CORO2B: variants seen among roughly 807,000 people sequenced by gnomAD.
The protein encoded by CORO2B is coronin 2B, also known as coronin-2B.
Under a neutral mutation model 58.8 loss-of-function variants are expected in CORO2B, and 26 were observed. The ratio of observed to expected loss-of-function variants is 0.44; its 90% CI spans 0.32 to 0.61. CORO2B has a LOEUF of 0.61. CORO2B is among the 20% of genes least tolerant of loss of function. CORO2B has a pLI of 0.04. For synonymous variants in CORO2B, 242 were observed against 253.8 expected, an observed-to-expected ratio of 0.95 and a Z score of 0.44; for missense variants, 460 against 645.1, an observed-to-expected ratio of 0.71 and a Z score of 3.11.
At chr15:68,701,642 T>C (rs1003720126) in intron 3 of CORO2B, among the ~76,000 whole-genome samples, 1 of 151,684 alleles carries the variant, frequency 6.6e-6, no homozygotes, top group East Asian at 2.0e-4. Flanking sequence ...CGCGCCACCA[T>C]GCCCGGCTAA....
At chr15:68,698,152 A>G (rs1225112087) in intron 3 of CORO2B, among the ~76,000 whole-genome samples, 3 of 152,230 alleles carry the variant, frequency 2.0e-5, no homozygotes, top group Non-Finnish European at 2.9e-5. Context: ...GTCACAAGCC[A>G]GGAAGTAGAG....
chr15:68,612,802 C>A (rs1226134111), intron 1 of CORO2B, among the ~76,000 whole-genome samples: 1 of 152,218 alleles, frequency 6.6e-6, no homozygotes, highest in African/African-American at 2.4e-5. Context: ...TCCACCAGCT[C>A]TGCAAATCTG....
intron 3 of CORO2B, among the ~76,000 whole-genome samples, chr15:68,708,355 TTC>T (rs1491465190): frequency 4.8e-5 from 7 of 145,460 alleles, no homozygotes; most frequent in Admixed American, 2.1e-4. Flanking sequence ...TCTTTTTTTC[TTC>T]TTTTTTTTTT....
the CORO2B span, among the ~76,000 whole-genome samples, chr15:68,565,881 C>T: frequency 6.6e-6 from 1 of 152,230 alleles, no homozygotes; most frequent in Non-Finnish European, 1.5e-5. Flanking sequence ...GGCCTGGCTG[C>T]TTCCTCTGCC....
intron 8 of CORO2B, among the ~76,000 whole-genome samples, chr15:68,715,949 C>T (rs1893022381): frequency 6.6e-6 from 1 of 152,212 alleles, no homozygotes; most frequent in Non-Finnish European, 1.5e-5. Flanking sequence ...AATGAAACAC[C>T]TATTTTCAGG....
At chr15:68,660,286 G>T (rs1171574765) in intron 2 of CORO2B, among the ~76,000 whole-genome samples, 1 of 152,122 alleles carries the variant, frequency 6.6e-6, no homozygotes, top group African/African-American at 2.4e-5. Context: ...TCATTGTCTG[G>T]CATTGCTTCA....
chr15:68,613,126 C>T (rs1173696936), intron 1 of CORO2B, among the ~76,000 whole-genome samples: 1 of 152,176 alleles, frequency 6.6e-6, no homozygotes, highest in East Asian at 1.9e-4. Context: ...TGGAAGCAGC[C>T]TTTAGTCTTA....
intron 2 of CORO2B, among the ~76,000 whole-genome samples, chr15:68,654,995 G>A (rs780773362): frequency 3.9e-5 from 6 of 152,180 alleles, no homozygotes; most frequent in Non-Finnish European, 4.4e-5. Flanking sequence ...GGGTCTCCAG[G>A]GAGGCATGAC....
intron 1 of CORO2B, among the ~76,000 whole-genome samples, chr15:68,615,760 A>G (rs975557287): frequency 6.6e-6 from 1 of 152,162 alleles, no homozygotes; most frequent in Non-Finnish European, 1.5e-5. Flanking sequence ...ATCACCAGAC[A>G]CCAAATCCGT....
rs547346914 is a variant in CORO2B at position 68,672,364 on chromosome 15, G to C, written c.217-22776G>C. 2.4e-4 allele frequency among the ~76,000 whole-genome samples: 36 copies of C among 152,186 alleles called. 2 individuals carry two copies. In the South Asian group the frequency reaches 7.5e-3, roughly 32 times the overall value. On this transcript the variant is annotated intron_variant, in intron 2 of 11. Coordinates refer to ENST00000261861, the MANE Select transcript of CORO2B (RefSeq NM_006091.5). ...GATCCTCCCACCTCAGCCTCCCAAA[G>C]TGCTGGGATTACAGGCATGAGCCAA...
chr15:68,638,728 A>G (rs1426055277), intron 1 of CORO2B, among the ~76,000 whole-genome samples: 2 of 152,178 alleles, frequency 1.3e-5, no homozygotes, highest in East Asian at 1.9e-4. Flanking sequence ...GTGACTTTGG[A>G]CAAGTCTCTT....
At chr15:68,542,346 A>G in the CORO2B span, among the ~76,000 whole-genome samples, 1 of 152,248 alleles carries the variant, frequency 6.6e-6, no homozygotes, top group Non-Finnish European at 1.5e-5. Context: ...CTACATTTCA[A>G]GTAATTACAG....
intron 2 of CORO2B, among the ~76,000 whole-genome samples, chr15:68,664,671 C>CA (rs1451093876): frequency 2.6e-5 from 4 of 151,898 alleles, no homozygotes; most frequent in Admixed American, 1.3e-4. Context: ...AACCAAAAAA[C>CA]AAAAAAACCT....
chr15:68,574,288 A>C (rs1326640562), upstream of CORO2B, among the ~76,000 whole-genome samples: 1 of 152,218 alleles, frequency 6.6e-6, no homozygotes, highest in Non-Finnish European at 1.5e-5. Context: ...GCATGTGGGC[A>C]TGCCGCCTGG....
intron 2 of CORO2B, among the ~76,000 whole-genome samples, chr15:68,675,950 TATA>T (rs947543427): frequency 6.8e-6 from 1 of 148,144 alleles, no homozygotes. Context: ...TATAATATAG[TATA>T]ATAATAGAAC....
chr15:68,712,428 CT>C (rs1339863416), intron 5 of CORO2B, among the ~76,000 whole-genome samples: 2 of 152,270 alleles, frequency 1.3e-5, no homozygotes, highest in Non-Finnish European at 1.5e-5. Context: ...AAATCCAAAA[CT>C]TTTTGAGCAC....
chr15:68,647,417 C>T (rs368066261), intron 2 of CORO2B, among the ~76,000 whole-genome samples: 2 of 152,120 alleles, frequency 1.3e-5, no homozygotes, highest in African/African-American at 2.4e-5. Context: ...CGACCGGACA[C>T]GGTGGCTCAC....
intron 1 of CORO2B, among the ~76,000 whole-genome samples, chr15:68,609,577 A>C (rs562003655): frequency 6.6e-6 from 1 of 151,968 alleles, no homozygotes; most frequent in Non-Finnish European, 1.5e-5. Context: ...TCTCTTTTGG[A>C]GTTGGGGGAG....
At chr15:68,530,249 C>T in the CORO2B span, among the ~76,000 whole-genome samples, 6 of 152,094 alleles carry the variant, frequency 3.9e-5, no homozygotes, top group South Asian at 6.2e-4. Flanking sequence ...GGTGTGAAAC[C>T]GGGAGGCGGA....
Sources: gnomAD v4.1 joint callset for allele counts (sites outside exome capture counted in the v4.1 genomes callset) on GRCh38, gnomAD v4.1.1 for gene constraint, MANE v1.5 for transcripts, NCBI Gene and HGNC (gene_info 2026-07-23, HGNC 2026-07-21) for gene names.